Variants in ADGRG5 observed in about 807,000 individuals in gnomAD.
ADGRG5 encodes the protein G protein-coupled receptor 114.
In ADGRG5, 37 loss-of-function variants were observed where a neutral mutation model predicts 53.2. The observed-to-expected ratio is 0.70, with a 90% CI of 0.53 to 0.91. The LOEUF (loss-of-function observed/expected upper bound fraction) is 0.91, where lower values mean the gene tolerates loss of function less well. Ranked by LOEUF, ADGRG5 falls within the 40% of genes least tolerant of loss-of-function variation. The probability of loss-of-function intolerance (pLI) is 0.00; values close to 1 mark genes in which losing one functional copy is unlikely to be tolerated. For missense variants in ADGRG5, 614 were observed against 675.8 expected (o/e 0.91, Z 1.01); for synonymous variants, 277 against 290.4 (o/e 0.95, Z 0.47).
intron 3 of ADGRG5, 169 bp downstream of exon 3, chr16:57,562,628 G>C: frequency 1.7e-6 from 1 of 592,470 alleles, no homozygotes; most frequent in Non-Finnish European, 3.0e-6. Context: ...CTGCCCTCAT[G>C]AAGTTTATCA....
chr16:57,569,960 CCTCT>C (rs1236725166), intron 9 of ADGRG5, among the ~76,000 whole-genome samples: 2 of 151,650 alleles, frequency 1.3e-5, no homozygotes, highest in African/African-American at 4.9e-5. Flanking sequence ...ATCATCACCT[CCTCT>C]ACCTCCATTA....
chr16:57,572,405 G>A (rs1196426177), intron 10 of ADGRG5, among the ~76,000 whole-genome samples: 1 of 152,214 alleles, frequency 6.6e-6, no homozygotes, highest in African/African-American at 2.4e-5. Flanking sequence ...AACCTGGGAG[G>A]TGGAGCTTGC....
At chr16:57,544,634 C>T (rs1178539345) in intron 1 of ADGRG5, among the ~76,000 whole-genome samples, 1 of 152,174 alleles carries the variant, frequency 6.6e-6, no homozygotes, top group East Asian at 1.9e-4. Flanking sequence ...GCCTCAGTTT[C>T]ACCAACAGTA....
In ADGRG5 at chr16:57,567,896, C is replaced by A; in HGVS notation, c.862C>A (p.His288Asn). The part of the protein sequence containing the change: ...DSLTRIHMNL[H>N]ASVLLLNIAF... ...CTTAACACGCATCCACATGAACCTG[C>A]ATGCCTCCGTGCTGCTCCTGAACAT... The change falls in exon 9 of 12, where the codon CAT becomes AAT. Residue 288 changes from histidine (H) to asparagine (N), a missense_variant. By Grantham distance (68) the His-to-Asn change is moderately conservative (BLOSUM62 1). Coordinates refer to ENST00000349457, the MANE Select transcript of ADGRG5 (RefSeq NM_001304376.3). The A allele has an allele frequency of 2.5e-6, 4 of 1,612,954 alleles. No homozygotes were observed. Among genetic ancestry groups the A allele is most frequent in the Non-Finnish European group, 3.4e-6 (4 of 1,179,850 alleles).
chr16:57,569,553 C>A (rs2033277725), intron 9 of ADGRG5, among the ~76,000 whole-genome samples: 1 of 151,740 alleles, frequency 6.6e-6, no homozygotes, highest in Non-Finnish European at 1.5e-5. Context: ...CTATCATCAC[C>A]ATTATCACCT....
chr16:57,565,267 T>C (rs557855109), intron 6 of ADGRG5, 117 bp downstream of exon 6: 1 of 670,420 alleles, frequency 1.5e-6, no homozygotes, highest in Admixed American at 2.4e-5. Flanking sequence ...CCATCACACT[T>C]TGAAAATTCC....
In ADGRG5 at chr16:57,562,296, A is replaced by G. The variant is rs1421314980; in HGVS notation, c.65-88A>G. 15 of 1,417,610 alleles carry G rather than the reference A, an allele frequency of 1.1e-5. No individual in the cohort carries two copies. The Admixed American group carries it at 2.6e-4, about 25-fold the overall frequency. The allele number at this position is 1,417,610 out of a possible 1,614,324, so 87.8% of individuals were successfully genotyped here. On this transcript the variant is annotated intron_variant, in intron 2 of 11. Transcript: ENST00000349457. ...GGGCAGCAGGAGCTGCTTGTGAACT[A>G]GACTCTCAGGGTGGGATGGAAAGCC...
At chr16:57,554,517 C>T (rs1230154910) in intron 1 of ADGRG5, among the ~76,000 whole-genome samples, 5 of 152,066 alleles carry the variant, frequency 3.3e-5, no homozygotes, top group African/African-American at 4.8e-5. Context: ...GCTGGGACTA[C>T]AGGCACCTGC....
chr16:57,571,656 C>CTTTTTTTTT (rs61698586), intron 10 of ADGRG5, among the ~76,000 whole-genome samples: 14 of 134,018 alleles, frequency 1.0e-4, no homozygotes, highest in East Asian at 4.4e-4. Context: ...TCTTTTTTTT[C>CTTTTTTTTT]TTTTTTTTTT....
chr16:57,575,157 A>C, intron 11 of ADGRG5, 65 bp downstream of exon 11: 1 of 1,542,116 alleles, frequency 6.5e-7, no homozygotes, highest in Non-Finnish European at 8.8e-7. Flanking sequence ...TGGGATGTTC[A>C]CTGCTAAAGG....
chr16:57,542,149 C>A (rs146101695), upstream of ADGRG5, among the ~76,000 whole-genome samples: 1 of 152,218 alleles, frequency 6.6e-6, no homozygotes, highest in East Asian at 1.9e-4. Flanking sequence ...AGTGGCTTGC[C>A]CCAAGTCACC....
rs6499885 is a variant in ADGRG5, at chr16:57,575,712, C to T, written c.*174C>T. On this transcript the variant is annotated 3_prime_UTR_variant, in exon 12 of 12. Transcript: ENST00000349457. ...CAGGCACTGAGGGGAAGGCATTGCT[C>T]TACCTCTCCCTGACATTTTGCTCCG... The T allele has an allele frequency of 0.034, 19,830 of 589,226 alleles. 2,641 individuals are homozygous for T. Among genetic ancestry groups the T allele is most frequent in the African/African-American group, 0.31 (16,460 of 53,592 alleles). 36.5% of individuals were successfully genotyped at this position (589,226 alleles called of 1,614,324 possible). A position where few individuals can be genotyped will look rare whatever the true frequency, so the allele number is the denominator to read the frequency against.
Position 57,576,616 on chromosome 16 carries a change from T to C in ADGRG5, c.*1078T>C, listed in dbSNP as rs1202289641. The C allele has an allele frequency of 6.6e-6, 1 of 152,054 alleles. No homozygotes were observed. The highest frequency in any genetic ancestry group is 1.5e-5 in the Non-Finnish European group (1 of 68,008). The allele number at this position is 152,054 out of a possible 1,614,324, so 9.4% of individuals were successfully genotyped here. On this transcript the variant is annotated 3_prime_UTR_variant, in exon 12 of 12. Coordinates refer to ENST00000349457, the MANE Select transcript of ADGRG5 (RefSeq NM_001304376.3). ...GCGCCAAGACTGCATCTAGAATCGC[T>C]CAAACACCTGTTTGCAGACCCCATG...
intron 7 of ADGRG5, 83 bp from the exon 8 acceptor site, chr16:57,567,386 AG>A: frequency 1.4e-6 from 2 of 1,453,188 alleles, no homozygotes; most frequent in Non-Finnish European, 1.9e-6. Context: ...CTTGGAGAGG[AG>A]GCCTCAGGAG....
intron 8 of ADGRG5, 79 bp from the exon 9 acceptor site, chr16:57,567,777 G>T: frequency 6.6e-7 from 1 of 1,506,740 alleles, no homozygotes; most frequent in Non-Finnish European, 8.9e-7. Context: ...TTCCCTGTCG[G>T]CATGCACCTA....
In ADGRG5 at chr16:57,576,549, G is replaced by A. The variant is rs1487828821; in HGVS notation, c.*1011G>A. ...ATGAAGCCAGTGCGTTTCCCAGAACGAACACTAGGCGGCACCGTTGGTCCA... is the reference window on the plus strand; with the variant it reads ...ATGAAGCCAGTGCGTTTCCCAGAACAAACACTAGGCGGCACCGTTGGTCCA... On this transcript the variant is annotated 3_prime_UTR_variant, in exon 12 of 12. Coordinates refer to ENST00000349457, the MANE Select transcript of ADGRG5 (RefSeq NM_001304376.3). The A allele has an allele frequency of 3.9e-5, 6 of 152,028 alleles. No homozygotes were observed. Among genetic ancestry groups the A allele is most frequent in the African/African-American group, 4.8e-5 (2 of 41,378 alleles). The allele number at this position is 152,028 out of a possible 1,614,324, so 9.4% of individuals were successfully genotyped here.
rs116286411 is a variant in ADGRG5, at chr16:57,567,475, C to G, written c.705C>G (p.Leu235=). 1 of 1,608,296 alleles carries G rather than the reference C, an allele frequency of 6.2e-7. No individual in the cohort carries two copies. Among genetic ancestry groups the G allele is most frequent in the Non-Finnish European group, 8.5e-7 (1 of 1,179,802 alleles). The change falls in exon 8 of 12, where the codon CTC becomes CTG. Residue 235 remains leucine, a synonymous_variant. Coordinates refer to ENST00000349457, the MANE Select transcript of ADGRG5 (RefSeq NM_001304376.3). ...GCCCCTCTTCCCTCCTGCAGCAACT[C>G]TCCCCAGCCCTGGTCCCTGCAGAGT... The part of the protein sequence containing the change: ...HLTYFAVLMQ[L]SPALVPAELL...
chr16:57,538,350 A>G (rs552486938), upstream of ADGRG5, among the ~76,000 whole-genome samples: 1 of 152,252 alleles, frequency 6.6e-6, no homozygotes, highest in Non-Finnish European at 1.5e-5. Flanking sequence ...CACACTTGTA[A>G]TCCCAGTGCT....
intron 1 of ADGRG5, among the ~76,000 whole-genome samples, chr16:57,550,131 C>T (rs2032713025): frequency 6.6e-6 from 1 of 152,104 alleles, no homozygotes; most frequent in Admixed American, 6.5e-5. Context: ...CACATGCTAC[C>T]ACACCTGGCT....
Sources: allele counts gnomAD v4.1 joint callset (sites outside exome capture counted in the v4.1 genomes callset), GRCh38; gene constraint gnomAD v4.1.1; transcripts MANE v1.5; gene names NCBI Gene and HGNC (gene_info 2026-07-23, HGNC 2026-07-21).